RGL3: variants seen among roughly 807,000 people sequenced by gnomAD.
The protein encoded by RGL3 is ral guanine nucleotide dissociation stimulator-like 3.
A neutral mutation model predicts 90.6 loss-of-function variants in RGL3; 85 were observed. That is an observed-to-expected ratio of 0.94 (90% CI 0.79 to 1.12). The LOEUF (loss-of-function observed/expected upper bound fraction) is 1.12, where lower values mean the gene tolerates loss of function less well. Among genes scored for constraint, RGL3 ranks in the 50% most tolerant of loss-of-function variants. The pLI is 0.00. For missense variants in RGL3, 1,034 were observed against 939.2 expected, an observed-to-expected ratio of 1.10 and a Z score of -1.32; for synonymous variants, 408 against 385.5, an observed-to-expected ratio of 1.06 and a Z score of -0.68.
chr19:11,415,695 A>G (rs1968980207), intron 5 of RGL3, among the ~76,000 whole-genome samples: 2 of 151,944 alleles, frequency 1.3e-5, no homozygotes, highest in Non-Finnish European at 1.5e-5. Flanking sequence ...GACTGGTCTC[A>G]AACTCCTGAC....
In RGL3 at chr19:11,406,813, G is replaced by A. The variant is rs774866087; in HGVS notation, c.689C>T (p.Ala230Val). ...TSDPDSSEAC[A>V]EEEEGLMPQG... ...AGGCATGAGCCCTTCCTCTTCCTCC[G>A]CGCAGGCCTCTGAAGAGTCTGGGTC... is the stretch of plus-strand genomic sequence containing the variant. The change falls in exon 6 of 19, where the codon GCG becomes GTG. Residue 230 changes from alanine (A) to valine (V), a missense_variant. By Grantham distance (64) the Ala-to-Val change is moderately conservative (BLOSUM62 0). Coordinates refer to ENST00000380456, the MANE Select transcript of RGL3 (RefSeq NM_001035223.4). 1.3e-6 allele frequency: 2 copies of A among 1,590,626 alleles called. No individual in the cohort carries two copies. The highest frequency in any genetic ancestry group is 1.1e-5 in the South Asian group (1 of 90,690).
chr19:11,399,931 G>A lies in RGL3; in HGVS notation c.1670C>T (p.Pro557Leu). Reference protein sequence around the residue: ...PTSSVSPGSPPSSPRSRDAPA... With the variant: ...PTSSVSPGSPLSSPRSRDAPA... ...AGCATCTCTGCTTCTAGGACTTGAGGGGGGTGACCCTGGGGACACACTGGG... is the reference window on the plus strand; with the variant it reads ...AGCATCTCTGCTTCTAGGACTTGAGAGGGGTGACCCTGGGGACACACTGGG... The change falls in exon 16 of 19, where the codon CCC (proline) becomes CTC (leucine). Residue 557 changes from proline (P) to leucine (L), a missense_variant. Physicochemically the swap from Pro to Leu is moderately conservative, Grantham distance 98. Transcript: ENST00000380456. The A allele has an allele frequency of 6.5e-7, 1 of 1,544,590 alleles. No homozygotes were observed. The highest frequency in any genetic ancestry group is 1.2e-5 in the South Asian group (1 of 81,004).
At position 11,418,719 on chromosome 19, in the gene RGL3, C is replaced by T. The variant is rs527484394; in HGVS notation, c.99G>A (p.Arg33=). ...DGAVYSVSLR[R]QRSQRRSPAE... is the part of the protein sequence containing the mutation. ...CCGGGCTCCTGCGCTGACTGCGCTG[C>T]CGCCGCAGGGAGACACTGTACACCG... Residue 33 remains arginine, a synonymous_variant, in exon 2 of 19, where the codon CGG becomes CGA. Transcript: ENST00000380456. 18 of 1,576,342 alleles carry T rather than the reference C, an allele frequency of 1.1e-5. No homozygotes were observed. In the South Asian group the frequency reaches 1.6e-4, roughly 14 times the overall value.
At chr19:11,418,521 T>A (rs1219820287) in intron 2 of RGL3, 150 bp downstream of exon 2, 3 of 580,852 alleles carry the variant, frequency 5.2e-6, no homozygotes, top group Non-Finnish European at 8.9e-6. Flanking sequence ...CCGCCCCCAG[T>A]CCCCTTTCTA....
chr19:11,414,806 A>T (rs1300412665), intron 5 of RGL3, among the ~76,000 whole-genome samples: 1 of 151,752 alleles, frequency 6.6e-6, no homozygotes, highest in African/African-American at 2.4e-5. Context: ...CCTCTCATGC[A>T]CTCACAGCCT....
At chr19:11,404,123 T>C (rs901840682) in intron 9 of RGL3, among the ~76,000 whole-genome samples, 2 of 152,134 alleles carry the variant, frequency 1.3e-5, no homozygotes, top group Non-Finnish European at 2.9e-5. Flanking sequence ...GCTCAAGTGA[T>C]CCTCTCACCT....
intron 5 of RGL3, among the ~76,000 whole-genome samples, chr19:11,408,116 C>T (rs1171111184): frequency 6.6e-6 from 1 of 152,102 alleles, no homozygotes; most frequent in African/African-American, 2.4e-5. Context: ...TATAGGCACA[C>T]ACCACCATGC....
chr19:11,414,331 A>ATATATATACCTTTATATATATATACCTT (rs1968939004), intron 5 of RGL3, among the ~76,000 whole-genome samples: 1 of 98,998 alleles, frequency 1.0e-5, no homozygotes, highest in Non-Finnish European at 2.0e-5. Context: ...CTTCATATAT[A>ATATATATACCTTTATATATATATACCTT]TATATATACC....
At chr19:11,409,707 T>G (rs1225926804) in intron 5 of RGL3, among the ~76,000 whole-genome samples, 8 of 152,162 alleles carry the variant, frequency 5.3e-5, no homozygotes, top group Non-Finnish European at 4.4e-5. Flanking sequence ...TGTTGCTGTC[T>G]TTGCCTCACC....
intron 7 of RGL3, among the ~76,000 whole-genome samples, 180 bp downstream of exon 7, chr19:11,406,239 C>T (rs2144727719): frequency 6.6e-6 from 1 of 152,250 alleles, no homozygotes; most frequent in South Asian, 2.1e-4. Context: ...CTAGTCGTGC[C>T]CGCGGCCTCT....
intron 3 of RGL3, 61 bp from the exon 4 acceptor site, chr19:11,416,728 G>T (rs765517145): frequency 6.3e-7 from 1 of 1,594,914 alleles, no homozygotes; most frequent in South Asian, 1.1e-5. Context: ...TAGGAAGAGG[G>T]CTCTGGGTCT....
Position 11,405,347 on chromosome 19 carries a change from T to C in RGL3, c.1076A>G (p.Lys359Arg), listed in dbSNP as rs1360813934. 1 of 1,613,056 alleles carries C rather than the reference T, an allele frequency of 6.2e-7. No individual in the cohort carries two copies. The highest frequency in any genetic ancestry group is 8.5e-7 in the Non-Finnish European group (1 of 1,179,658). ...ALQSNPIYRL[K>R]RSWGAVSREP... is the part of the protein sequence containing the mutation. Reference sequence around the variant, plus strand: ...CCGGCTCACTGCCCCCCAGCTGCGCTTGAGCCGGTAGATGGGGTTAGATTG... The same window carrying C: ...CCGGCTCACTGCCCCCCAGCTGCGCCTGAGCCGGTAGATGGGGTTAGATTG... The change falls in exon 8 of 19, where the codon AAG becomes AGG. Residue 359 changes from lysine to arginine, a missense_variant. By Grantham distance (26) the Lys-to-Arg change is conservative. Transcript: ENST00000380456.
intron 5 of RGL3, among the ~76,000 whole-genome samples, chr19:11,408,073 T>G (rs917673102): frequency 2.0e-5 from 3 of 152,148 alleles, no homozygotes; most frequent in Non-Finnish European, 2.9e-5. Flanking sequence ...GCTCCAGTGA[T>G]CCTCCTGCCT....
intron 5 of RGL3, among the ~76,000 whole-genome samples, chr19:11,414,338 T>C (rs1319877017): frequency 6.4e-5 from 7 of 110,036 alleles, no homozygotes; most frequent in Non-Finnish European, 9.0e-5. Context: ...TATATATATA[T>C]ACCTTTATAT....
At chr19:11,401,409 T>C (rs936458399) in intron 13 of RGL3, among the ~76,000 whole-genome samples, 12 of 151,142 alleles carry the variant, frequency 7.9e-5, no homozygotes, top group African/African-American at 2.9e-4. Context: ...TTTTTTTTTT[T>C]TTTTGAGACG....
chr19:11,405,251 G>A lies in RGL3; in HGVS notation c.1101-20C>T, dbSNP rs1299636451. The A allele has an allele frequency of 1.2e-6, 2 of 1,613,306 alleles. No individual in the cohort carries two copies. Among genetic ancestry groups the A allele is most frequent in the East Asian group, 2.2e-5 (1 of 44,896 alleles). On this transcript the variant is annotated intron_variant, in intron 8 of 18. Transcript: ENST00000380456. Reference sequence around the variant, plus strand: ...GGTTCCCTGGAAGGACAGGAGAAGGGTGGTCAGGGGTCAGTGGCTTGGGAG... The same window carrying A: ...GGTTCCCTGGAAGGACAGGAGAAGGATGGTCAGGGGTCAGTGGCTTGGGAG...
intron 5 of RGL3, 132 bp downstream of exon 5, chr19:11,415,805 G>T: frequency 2.4e-6 from 2 of 835,530 alleles, no homozygotes; most frequent in Non-Finnish European, 3.8e-6. Context: ...TTGTAAAGAT[G>T]AAGAAATTGA....
Position 11,418,731 on chromosome 19 carries a change from G to T in RGL3, c.87C>A (p.Val29=). 1 of 1,578,554 alleles carries T rather than the reference G, an allele frequency of 6.3e-7. No homozygotes were observed. The highest frequency in any genetic ancestry group is 1.1e-5 in the South Asian group (1 of 87,046). The change falls in exon 2 of 19, where the codon GTC becomes GTA. Residue 29 remains valine (V), a synonymous_variant. Transcript: ENST00000380456. ...GCTGACTGCGCTGCCGCCGCAGGGAGACACTGTACACCGCGCCGTCCTCGG... is the reference window on the plus strand; with the variant it reads ...GCTGACTGCGCTGCCGCCGCAGGGATACACTGTACACCGCGCCGTCCTCGG... ...EETEDGAVYS[V]SLRRQRSQRR...
At chr19:11,403,439 G>A (rs1304395603) in intron 9 of RGL3, among the ~76,000 whole-genome samples, 2 of 150,014 alleles carry the variant, frequency 1.3e-5, no homozygotes, top group Non-Finnish European at 3.0e-5. Flanking sequence ...AGGAGTTTGA[G>A]ACCAGCCTGG....
Sources: gnomAD v4.1 joint callset for allele counts (sites outside exome capture counted in the v4.1 genomes callset) on GRCh38, gnomAD v4.1.1 for gene constraint, MANE v1.5 for transcripts, NCBI Gene and HGNC (gene_info 2026-07-23, HGNC 2026-07-21) for gene names.